The following ZNF800 variants were observed in gnomAD, a reference collection of about 807,000 sequenced individuals.
The protein encoded by ZNF800 is zinc finger protein 800.
A neutral mutation model predicts 59.5 loss-of-function variants in ZNF800; 13 were observed. The ratio of observed to expected loss-of-function variants is 0.22; its 90% CI spans 0.14 to 0.35. ZNF800 has a LOEUF of 0.35. ZNF800 is among the 10% of genes least tolerant of loss of function. The probability of loss-of-function intolerance (pLI) is 1.00; values close to 1 mark genes in which losing one functional copy is unlikely to be tolerated. For missense variants in ZNF800, 621 were observed against 783.7 expected (o/e 0.79, Z 2.48); for synonymous variants, 266 against 265.7 (o/e 1.00, Z -0.01).
chr7:127,380,262 A>G (rs1205035945), intron 3 of ZNF800, among the ~76,000 whole-genome samples: 2 of 152,188 alleles, frequency 1.3e-5, no homozygotes, highest in African/African-American at 4.8e-5. Context: ...CAGAGAAGAT[A>G]TTCTTGATGC....
At position 127,391,494 on chromosome 7, in the gene ZNF800, T is replaced by C. The variant is rs754502368; in HGVS notation, c.61+3A>G. The C allele has an allele frequency of 4.8e-5, 77 of 1,614,048 alleles. 1 individual carries two copies. The Admixed American group carries it at 1.3e-3, about 27-fold the overall frequency. On this transcript the variant is annotated splice_donor_region_variant and intron_variant, in intron 2 of 5. Transcript: ENST00000265827. ...AAGCAACTGCGGACGAAGAGGGGTC[T>C]ACCTGGTTCACAGCATCCGTGATGA...
At chr7:127,367,679 A>G (rs1392454430), downstream of ZNF800, among the ~76,000 whole-genome samples, 1 of 152,298 alleles carries the variant, frequency 6.6e-6, no homozygotes, top group Non-Finnish European at 1.5e-5. Context: ...GAGAAGATAA[A>G]ATGTTAAGAC....
intron 1 of ZNF800, among the ~76,000 whole-genome samples, chr7:127,356,782 T>TG (rs201821858): frequency 0.015 from 2,268 of 151,920 alleles, 18 homozygotes; most frequent in Non-Finnish European, 0.021. Context: ...TGTGTGTGTG[T>TG]TTTTTTTACT....
In ZNF800 at chr7:127,373,777, T is replaced by C. The variant is rs1663706747; in HGVS notation, c.1559A>G (p.Lys520Arg). 2.5e-6 allele frequency: 4 copies of C among 1,614,044 alleles called. No individual in the cohort carries two copies. The highest frequency in any genetic ancestry group is 1.3e-5 in the African/African-American group (1 of 74,920). The change falls in exon 5 of 6, where the codon AAG becomes AGG. Residue 520 changes from lysine (K) to arginine (R), a missense_variant. By Grantham distance (26) the Lys-to-Arg change is conservative. This residue lies in a region of ZNF800 where 46 missense variants were observed against 118.4 expected (regional missense o/e 0.39). Coordinates refer to ENST00000265827, the MANE Select transcript of ZNF800 (RefSeq NM_176814.5). Reference sequence around the variant, plus strand: ...AGTTTCATAAGTGCAAAGAGGACACTTGTAGAATTTAACATAAATGTTATT... The same window carrying C: ...AGTTTCATAAGTGCAAAGAGGACACCTGTAGAATTTAACATAAATGTTATT... The part of the protein sequence containing the change: ...DGNNIYVKFY[K>R]CPLCTYETRR...
At chr7:127,379,852 AC>A (rs1562907479) in intron 3 of ZNF800, among the ~76,000 whole-genome samples, 1 of 16,164 alleles carries the variant, frequency 6.2e-5, no homozygotes, top group Non-Finnish European at 1.2e-4. Flanking sequence ...CCACCCCCCC[AC>A]CCCCCCCACA....
chr7:127,391,925 C>A (rs2117232627), intron 1 of ZNF800, 135 bp downstream of exon 1: 1 of 369,440 alleles, frequency 2.7e-6, no homozygotes, highest in Admixed American at 4.6e-5. Context: ...GCGCGGCGGG[C>A]ACCGCCGGGC....
At chr7:127,343,917 T>C (rs1371385274), downstream of ZNF800, among the ~76,000 whole-genome samples, 3 of 152,026 alleles carry the variant, frequency 2.0e-5, no homozygotes, top group Non-Finnish European at 4.4e-5. Context: ...CTTAATATAA[T>C]TGAACAACTT....
At chr7:127,379,861 A>ACCCC (rs1562907535) in intron 3 of ZNF800, among the ~76,000 whole-genome samples, 3 of 3,636 alleles carry the variant, frequency 8.3e-4, no homozygotes, top group Non-Finnish European at 1.8e-3. Flanking sequence ...CACCCCCCCC[A>ACCCC]CACACACACA....
chr7:127,390,337 T>TA (rs1011770737), intron 2 of ZNF800, among the ~76,000 whole-genome samples: 3 of 152,210 alleles, frequency 2.0e-5, no homozygotes, highest in Non-Finnish European at 2.9e-5. Context: ...TCCTGAAAGT[T>TA]AAACAGGTCA....
downstream of ZNF800, among the ~76,000 whole-genome samples, chr7:127,343,787 T>C (rs905937955): frequency 3.3e-5 from 5 of 152,202 alleles, no homozygotes; most frequent in African/African-American, 1.2e-4. Context: ...ACCACCATTA[T>C]TTAACAGGAT....
intron 2 of ZNF800, 132 bp from the exon 3 acceptor site, chr7:127,386,287 C>T (rs1488162789): frequency 2.1e-6 from 1 of 467,292 alleles, no homozygotes; most frequent in Non-Finnish European, 3.8e-6. Context: ...CACACACACA[C>T]GCATATATAA....
Position 127,374,204 on chromosome 7 carries a change from T to C in ZNF800, c.1132A>G (p.Met378Val), listed in dbSNP as rs1172481523. 1 of 1,614,132 alleles carries C rather than the reference T, an allele frequency of 6.2e-7. No individual in the cohort carries two copies. Among genetic ancestry groups the C allele is most frequent in the Admixed American group, 1.7e-5 (1 of 60,016 alleles). ...AGAGTTATCTTGTGGACAATTTGCA[T>C]ATGTCTTTTAAGCATTATTTGTGAA... ...YSSQIMLKRHMQIVHKITLSG... is the reference protein window; with the variant it reads ...YSSQIMLKRHVQIVHKITLSG... Residue 378 changes from methionine to valine, a missense_variant, in exon 5 of 6, where the codon ATG becomes GTG. Met to Val is a conservative substitution (Grantham distance 21, BLOSUM62 1). This residue lies in a region of ZNF800 where 185 missense variants were observed against 177.6 expected (regional missense o/e 1.04). Coordinates refer to ENST00000265827, the MANE Select transcript of ZNF800 (RefSeq NM_176814.5).
At chr7:127,381,558 T>C (rs746523728) in intron 3 of ZNF800, among the ~76,000 whole-genome samples, 131 of 152,206 alleles carry the variant, frequency 8.6e-4, no homozygotes, top group Non-Finnish European at 1.4e-3. Flanking sequence ...AACAAACACT[T>C]ATTGAGCACA....
In ZNF800 at chr7:127,375,677, A is replaced by T. The variant is rs548545099; in HGVS notation, c.302-643T>A. 3.9e-5 allele frequency among the ~76,000 whole-genome samples: 6 copies of T among 152,186 alleles called. No homozygotes were observed. In the South Asian group the frequency reaches 1.2e-3, roughly 32 times the overall value. On this transcript the variant is annotated intron_variant, in intron 4 of 5. Coordinates refer to ENST00000265827, the MANE Select transcript of ZNF800 (RefSeq NM_176814.5). Reference sequence around the variant, plus strand: ...AATTAAAAACTATACAGATTTATTTAAAAACCATAGGTAGTTTTATTTCCT... The same window carrying T: ...AATTAAAAACTATACAGATTTATTTTAAAACCATAGGTAGTTTTATTTCCT...
chr7:127,365,575 T>C (rs1225910238), downstream of ZNF800, among the ~76,000 whole-genome samples: 1 of 152,114 alleles, frequency 6.6e-6, no homozygotes, highest in Non-Finnish European at 1.5e-5. Flanking sequence ...AAAACTGTCC[T>C]GAGTTTTGCT....
intron 1 of ZNF800, among the ~76,000 whole-genome samples, chr7:127,352,606 G>A (rs1263298864): frequency 6.6e-6 from 1 of 152,190 alleles, no homozygotes; most frequent in Non-Finnish European, 1.5e-5. Flanking sequence ...TATTTTTCAT[G>A]TAGATTTGCC....
At chr7:127,342,991 T>C (rs1050705661), downstream of ZNF800, among the ~76,000 whole-genome samples, 3 of 151,926 alleles carry the variant, frequency 2.0e-5, no homozygotes, top group Non-Finnish European at 4.4e-5. Flanking sequence ...AAATAATACA[T>C]CAAAAATAAA....
downstream of ZNF800, among the ~76,000 whole-genome samples, chr7:127,365,429 A>T (rs1330816341): frequency 6.6e-6 from 1 of 152,122 alleles, no homozygotes; most frequent in East Asian, 1.9e-4. Context: ...TTCTTTCTTC[A>T]TCATTCTCTT....
chr7:127,356,781 GTTT>G (rs1020780599), intron 1 of ZNF800, among the ~76,000 whole-genome samples: 1 of 151,436 alleles, frequency 6.6e-6, no homozygotes, highest in Non-Finnish European at 1.5e-5. Flanking sequence ...GTGTGTGTGT[GTTT>G]TTTTTACTCT....
Sources: allele counts gnomAD v4.1 joint callset (sites outside exome capture counted in the v4.1 genomes callset), GRCh38; gene constraint gnomAD v4.1.1; regional missense constraint gnomAD v4.1.1; transcripts MANE v1.5; gene names NCBI Gene and HGNC (gene_info 2026-07-23, HGNC 2026-07-21).